Variants in NKTR observed in about 807,000 individuals in gnomAD.
NKTR encodes natural killer cell triggering receptor.
A neutral mutation model predicts 156.3 loss-of-function variants in NKTR; 67 were observed. That is an observed-to-expected ratio of 0.43 (90% CI 0.35 to 0.53). NKTR has a LOEUF of 0.53. NKTR is among the 20% of genes least tolerant of loss of function. The probability of loss-of-function intolerance (pLI) is 0.01; values close to 1 mark genes in which losing one functional copy is unlikely to be tolerated. For missense variants in NKTR, 1,604 were observed against 1,730.9 expected (o/e 0.93, Z 1.30); for synonymous variants, 640 against 596.6 (o/e 1.07, Z -1.06).
intron 6 of NKTR, among the ~76,000 whole-genome samples, chr3:42,623,370 AGT>A (rs1315802048): frequency 6.6e-6 from 1 of 152,142 alleles, no homozygotes; most frequent in African/African-American, 2.4e-5. Context: ...AGGGGTTTGC[AGT>A]CCCTTTGGAA....
rs182350092 is a variant in NKTR, at chr3:42,601,922, G to A, written c.58+858G>A. 3.0e-4 allele frequency: 45 copies of A among 152,240 alleles called. 1 individual carries two copies. The highest frequency in any genetic ancestry group is 1.1e-3 in the African/African-American group (44 of 41,534). 9.4% of individuals were successfully genotyped at this position (152,240 alleles called of 1,614,324 possible). A position where few individuals can be genotyped will look rare whatever the true frequency, so the allele number is the denominator to read the frequency against. On this transcript the variant is annotated intron_variant, in intron 2 of 16. Coordinates refer to ENST00000232978, the MANE Select transcript of NKTR (RefSeq NM_005385.4). ...TTCCTTTTATAGTTTATATTCTATT[G>A]GGGGGAAGACGGACAACTAGGAAAA...
chr3:42,633,586 TGA>T lies in NKTR; in HGVS notation c.784_785del (p.Arg262GlufsTer2). On this transcript the variant is annotated frameshift_variant, in exon 10 of 17. Transcript: ENST00000232978. LOFTEE classifies it high-confidence loss of function. ...KHAMNPKGHS[E>X]RSDTNEKRSV... ...TGACTTGGTTTGTTCTAAGTCACTC[TGA>T]GAGGAGTGATACCAATGAAAAAAGG... 1 of 1,613,084 alleles carries T rather than the reference TGA, an allele frequency of 6.2e-7. No individual in the cohort carries two copies. Among genetic ancestry groups the T allele is most frequent in the Non-Finnish European group, 8.5e-7 (1 of 1,179,144 alleles).
rs776122892 is a variant in NKTR at position 42,633,747 on chromosome 3, G to A, written c.929+12G>A. ...GCAGAACCTGAACCGTAAGTAGGATGACTAAACTATTTATTTTTATTTCTC... is the reference window on the plus strand; with the variant it reads ...GCAGAACCTGAACCGTAAGTAGGATAACTAAACTATTTATTTTTATTTCTC... On this transcript the variant is annotated intron_variant, in intron 10 of 16. Transcript: ENST00000232978. 27 of 1,613,490 alleles carry A rather than the reference G, an allele frequency of 1.7e-5. No homozygotes were observed. The highest frequency in any genetic ancestry group is 2.3e-5 in the Non-Finnish European group (27 of 1,179,734).
intron 14 of NKTR, among the ~76,000 whole-genome samples, chr3:42,642,903 G>T (rs1004184961): frequency 6.6e-6 from 1 of 152,194 alleles, no homozygotes; most frequent in East Asian, 1.9e-4. Context: ...CTTGACATGG[G>T]TTAGAGATTG....
rs561527154 is a variant in NKTR, at chr3:42,635,201, T to C, written c.1018-20T>C. On this transcript the variant is annotated intron_variant, in intron 11 of 16. Coordinates refer to ENST00000232978, the MANE Select transcript of NKTR (RefSeq NM_005385.4). ...CGTGGAGAGGCATTTTTTAAAATAC[T>C]ATTGTTTTTGTTTTTAAAGCGCTAT... 13 of 1,604,148 alleles carry C rather than the reference T, an allele frequency of 8.1e-6. No homozygotes were observed. The highest frequency in any genetic ancestry group is 1.1e-5 in the Non-Finnish European group (13 of 1,175,836).
At chr3:42,622,774 T>A (rs796336905) in intron 6 of NKTR, among the ~76,000 whole-genome samples, 8 of 152,132 alleles carry the variant, frequency 5.3e-5, no homozygotes, top group African/African-American at 1.9e-4. Flanking sequence ...TCAGAAAGCC[T>A]TTTTAATAGT....
chr3:42,632,536 A>AT (rs11385188), intron 8 of NKTR, 65 bp from the exon 9 acceptor site: 103,843 of 959,694 alleles, frequency 0.11, 7,077 homozygotes, highest in African/African-American at 0.24. Context: ...CAGTAATCAC[A>AT]TTTTTTACTC....
chr3:42,643,048 CT>C (rs966332400), intron 14 of NKTR, among the ~76,000 whole-genome samples: 1 of 152,206 alleles, frequency 6.6e-6, no homozygotes, highest in African/African-American at 2.4e-5. Context: ...TGTCACTTCA[CT>C]TTACTTACAA....
intron 12 of NKTR, among the ~76,000 whole-genome samples, chr3:42,635,961 A>C (rs1709368114): frequency 6.6e-6 from 1 of 152,172 alleles, no homozygotes; most frequent in Non-Finnish European, 1.5e-5. Context: ...ATTCTTTCCT[A>C]GCCAGCCAGG....
chr3:42,631,976 T>G (rs994121013), intron 8 of NKTR, among the ~76,000 whole-genome samples: 4 of 152,148 alleles, frequency 2.6e-5, no homozygotes, highest in Admixed American at 2.0e-4. Flanking sequence ...AAATGTTATG[T>G]TAAACTACCC....
chr3:42,631,439 C>T (rs1708886660), intron 8 of NKTR, 123 bp downstream of exon 8: 2 of 1,087,166 alleles, frequency 1.8e-6, no homozygotes, highest in African/African-American at 1.6e-5. Flanking sequence ...CTGAATCATA[C>T]CCTACATGTT....
Position 42,648,670 on chromosome 3 carries a change from T to G in NKTR, c.*2695T>G, listed in dbSNP as rs1453185787. 1.3e-5 allele frequency: 2 copies of G among 152,664 alleles called. No individual in the cohort carries two copies. The highest frequency in any genetic ancestry group is 2.9e-5 in the Non-Finnish European group (2 of 68,038). The allele number at this position is 152,664 out of a possible 1,614,324, so 9.5% of individuals were successfully genotyped here. A position where few individuals can be genotyped will look rare whatever the true frequency, so the allele number is the denominator to read the frequency against. ...TTAGCAATGTCTAATTTGTATACACTTCAGTTAAATTTCCCTAAAACTTGA... is the reference window on the plus strand; with the variant it reads ...TTAGCAATGTCTAATTTGTATACACGTCAGTTAAATTTCCCTAAAACTTGA... On this transcript the variant is annotated 3_prime_UTR_variant, in exon 17 of 17. Coordinates refer to ENST00000232978, the MANE Select transcript of NKTR (RefSeq NM_005385.4).
At chr3:42,620,908 A>G in intron 5 of NKTR, 1 of 913,356 alleles carries the variant, frequency 1.1e-6, no homozygotes, top group Non-Finnish European at 1.3e-6. Flanking sequence ...TTGAGTATAC[A>G]CATACTTAAT....
At chr3:42,641,187 C>A (rs930966039) in intron 13 of NKTR, among the ~76,000 whole-genome samples, 1 of 152,076 alleles carries the variant, frequency 6.6e-6, no homozygotes, top group African/African-American at 2.4e-5. Flanking sequence ...GCTGTGAACT[C>A]CTTGAAGTCA....
intron 16 of NKTR, among the ~76,000 whole-genome samples, chr3:42,644,441 TTATGTATTA>T (rs1178347949): frequency 6.6e-6 from 1 of 152,204 alleles, no homozygotes; most frequent in Non-Finnish European, 1.5e-5. Context: ...AATACATTTT[TTATGTATTA>T]TATGTATTAT....
chr3:42,619,822 A>C, intron 5 of NKTR, 114 bp downstream of exon 5: 1 of 1,516,864 alleles, frequency 6.6e-7, no homozygotes, highest in Non-Finnish European at 8.8e-7. Flanking sequence ...CATGAAACTA[A>C]TGCTGCATGA....
rs2125825915 is a variant in NKTR, at chr3:42,642,708, A to G, written c.4142+112A>G. On this transcript the variant is annotated intron_variant, in intron 14 of 16. Transcript: ENST00000232978. ...GAATCATGTCATTACTGAATATACT[A>G]CTGGCCTATTTTCTCATGTAGTTTT... 16 of 738,270 alleles carry G rather than the reference A, an allele frequency of 2.2e-5. 1 individual carries two copies. The South Asian group carries it at 2.5e-4, about 11-fold the overall frequency. The allele number at this position is 738,270 out of a possible 1,614,324, so 45.7% of individuals were successfully genotyped here.
At chr3:42,640,470 T>C (rs1709789323) in intron 13 of NKTR, among the ~76,000 whole-genome samples, 1 of 152,232 alleles carries the variant, frequency 6.6e-6, no homozygotes, top group Non-Finnish European at 1.5e-5. Flanking sequence ...GTTTTACCTG[T>C]TTCTTAATTA....
At chr3:42,605,096 A>G (rs994270331) in intron 2 of NKTR, among the ~76,000 whole-genome samples, 29 of 152,124 alleles carry the variant, frequency 1.9e-4, no homozygotes, top group Admixed American at 6.5e-4. Flanking sequence ...CTCTTTTATT[A>G]TTATGTAATG....
Sources: gnomAD v4.1 joint callset for allele counts (sites outside exome capture counted in the v4.1 genomes callset) on GRCh38, gnomAD v4.1.1 for gene constraint, MANE v1.5 for transcripts, NCBI Gene and HGNC (gene_info 2026-07-23, HGNC 2026-07-21) for gene names.